Variants in PAPPA observed in about 807,000 individuals in gnomAD.
PAPPA encodes pappalysin 1.
A neutral mutation model predicts 164.0 loss-of-function variants in PAPPA; 60 were observed. That is an observed-to-expected ratio of 0.37 (90% CI 0.30 to 0.45). The LOEUF is 0.45. PAPPA is among the 20% of genes least tolerant of loss of function. The pLI, the probability that PAPPA is intolerant of heterozygous loss-of-function variation, is 1.00. For missense variants in PAPPA, 1,782 were observed against 2,087.3 expected (o/e 0.85, Z 2.85); for synonymous variants, 875 against 814.1 (o/e 1.07, Z -1.27).
In PAPPA at chr9:116,235,569, G is replaced by A. The variant is rs779862665; in HGVS notation, c.2664G>A (p.Val888=). The A allele has an allele frequency of 2.5e-6, 4 of 1,613,598 alleles. No homozygotes were observed. The highest frequency in any genetic ancestry group is 3.3e-5 in the Admixed American group (2 of 60,000). ...AGTGTAAGCCCCTGAAGTATAAGGT[G>A]GTCCGGGACCCTCCTCTCCAGATGG... is the stretch of plus-strand genomic sequence containing the variant. The part of the protein sequence containing the change: ...CLQCKPLKYK[V]VRDPPLQMDV... The change falls in exon 7 of 22, where the codon GTG becomes GTA. Residue 888 remains valine, a synonymous_variant. Coordinates refer to ENST00000328252, the MANE Select transcript of PAPPA (RefSeq NM_002581.5).
rs1843565452 is a variant in PAPPA, at chr9:116,154,013, T to G, written c.-160T>G. Reference sequence around the variant, plus strand: ...GGTGGGGAGAGTGGAGCACACACCTTGAGGAGGAAAGCGAGAAAGAAAAGA... The same window carrying G: ...GGTGGGGAGAGTGGAGCACACACCTGGAGGAGGAAAGCGAGAAAGAAAAGA... On this transcript the variant is annotated 5_prime_UTR_variant, in exon 1 of 22. Transcript: ENST00000328252. This position sits in a 1 kb window ranked among gnomAD's most constrained non-coding sequence, Gnocchi z 5.2. 4.4e-6 allele frequency: 4 copies of G among 910,154 alleles called. No homozygotes were observed. The highest frequency in any genetic ancestry group is 4.2e-6 in the Non-Finnish European group (3 of 709,556). The allele number at this position is 910,154 out of a possible 1,614,324, so 56.4% of individuals were successfully genotyped here. A position where few individuals can be genotyped will look rare whatever the true frequency, so the allele number is the denominator to read the frequency against.
chr9:116,170,432 T>G (rs1275852291), intron 1 of PAPPA, among the ~76,000 whole-genome samples: 1 of 152,158 alleles, frequency 6.6e-6, no homozygotes, highest in African/African-American at 2.4e-5. Context: ...TTCTCTGAGT[T>G]TTTAAATAGG....
intron 9 of PAPPA, among the ~76,000 whole-genome samples, chr9:116,296,532 A>G (rs902769951): frequency 6.6e-6 from 1 of 152,186 alleles, no homozygotes; most frequent in African/African-American, 2.4e-5. Flanking sequence ...AGACCCACAG[A>G]CAGACAGTGA....
chr9:116,268,173 C>A (rs1356002554), intron 8 of PAPPA, among the ~76,000 whole-genome samples: 1 of 152,122 alleles, frequency 6.6e-6, no homozygotes, highest in African/African-American at 2.4e-5. Flanking sequence ...GAATTTGACT[C>A]CTCAAGCACA....
Position 116,195,741 on chromosome 9 carries a change from G to A in PAPPA, c.1478+7525G>A, listed in dbSNP as rs536300100. Among the ~76,000 whole-genome samples the A allele has an allele frequency of 3.3e-5, 5 of 152,258 alleles. No homozygotes were observed. The South Asian group carries it at 8.3e-4, about 25-fold the overall frequency. On this transcript the variant is annotated intron_variant, in intron 2 of 21. Transcript: ENST00000328252. ...GATAGATCTTCTCGCTTCTTATTGT[G>A]CATATCCCGAAATTCTTAGCCCCTT...
At chr9:116,156,486 ATACT>A (rs1843606967) in intron 1 of PAPPA, among the ~76,000 whole-genome samples, 1 of 151,838 alleles carries the variant, frequency 6.6e-6, no homozygotes, top group African/African-American at 2.4e-5. Flanking sequence ...TTGCAGTAAA[ATACT>A]TTAATTGGAT....
intron 9 of PAPPA, among the ~76,000 whole-genome samples, chr9:116,284,015 ATT>A (rs1339187600): frequency 1.3e-5 from 2 of 152,188 alleles, no homozygotes; most frequent in Non-Finnish European, 2.9e-5. Flanking sequence ...GTTATGATAT[ATT>A]GTTTTATTAA....
At chr9:116,378,536 T>C (rs1426120416) in intron 20 of PAPPA, among the ~76,000 whole-genome samples, 1 of 152,162 alleles carries the variant, frequency 6.6e-6, no homozygotes, top group Non-Finnish European at 1.5e-5. Flanking sequence ...ATGAAACTCT[T>C]AGAATGCCAG....
At chr9:116,369,445 C>T (rs941234761) in intron 19 of PAPPA, among the ~76,000 whole-genome samples, 1 of 152,134 alleles carries the variant, frequency 6.6e-6, no homozygotes, top group Admixed American at 6.5e-5. Flanking sequence ...ACAACTGGAA[C>T]GACAAGCTGG....
intron 7 of PAPPA, among the ~76,000 whole-genome samples, chr9:116,255,798 T>G (rs1018413334): frequency 1.3e-5 from 2 of 151,808 alleles, no homozygotes; most frequent in Non-Finnish European, 1.5e-5. Flanking sequence ...GGTGAAAGGG[T>G]GTACTAGGGA....
rs539049501 is a variant in PAPPA, at chr9:116,254,840, C to T, written c.2733-11017C>T. Among the ~76,000 whole-genome samples the T allele has an allele frequency of 5.4e-5, 8 of 148,834 alleles. No individual in the cohort carries two copies. In the South Asian group the frequency reaches 1.5e-3, roughly 28 times the overall value. On this transcript the variant is annotated intron_variant, in intron 7 of 21. Transcript: ENST00000328252. ...GACACTGAAAGGATCCTGACCAAAA[C>T]GTTCCTGGTAGCTGTCTCAGGATAA... is the stretch of plus-strand genomic sequence containing the variant.
Position 116,235,660 on chromosome 9 carries a change from G to A in PAPPA, c.2732+23G>A, listed in dbSNP as rs750594984. 7 of 1,611,766 alleles carry A rather than the reference G, an allele frequency of 4.3e-6. No homozygotes were observed. In the South Asian group the frequency reaches 6.6e-5, roughly 15 times the overall value. On this transcript the variant is annotated intron_variant, in intron 7 of 21. Transcript: ENST00000328252. ...CATGTAAGTGCATTCTCTGAATAGG[G>A]AGTTTATTAAGTGGGTGGGTTGTGG...
At chr9:116,227,870 T>G (rs1844534761) in intron 6 of PAPPA, among the ~76,000 whole-genome samples, 1 of 152,210 alleles carries the variant, frequency 6.6e-6, no homozygotes. Flanking sequence ...AGACCCCAAC[T>G]GCTTGTAGTT....
chr9:116,312,978 G>C (rs1436953925), intron 10 of PAPPA, among the ~76,000 whole-genome samples: 1 of 151,568 alleles, frequency 6.6e-6, no homozygotes, highest in Non-Finnish European at 1.5e-5. Flanking sequence ...AGCTACTCGG[G>C]AGGCTGAGGC....
At chr9:116,243,650 T>A (rs1844762253) in intron 7 of PAPPA, among the ~76,000 whole-genome samples, 1 of 152,118 alleles carries the variant, frequency 6.6e-6, no homozygotes, top group Non-Finnish European at 1.5e-5. Context: ...ATGGAGAAAA[T>A]GAATACTAAA....
Position 116,271,429 on chromosome 9 carries a change from C to T in PAPPA, c.2953+13C>T, listed in dbSNP as rs201701701. On this transcript the variant is annotated intron_variant, in intron 9 of 21. Transcript: ENST00000328252. This position sits in a 1 kb window ranked among gnomAD's most constrained non-coding sequence, Gnocchi z 4.2. The stretch of plus-strand genomic sequence containing the variant: ...TTCAATTGTATTGGTACGTCTTTTT[C>T]ATTTCTTGTGGCCTTCATGAAGAAA... The T allele has an allele frequency of 7.8e-5, 123 of 1,581,262 alleles. No individual in the cohort carries two copies. The African/African-American group carries it at 1.4e-3, about 18-fold the overall frequency.
intron 7 of PAPPA, among the ~76,000 whole-genome samples, chr9:116,249,566 T>C (rs1045295579): frequency 6.6e-6 from 1 of 152,112 alleles, no homozygotes; most frequent in African/African-American, 2.4e-5. Flanking sequence ...GAAGTAAGGA[T>C]GGAGGCATAG....
At chr9:116,228,991 G>A (rs1037944826) in intron 6 of PAPPA, among the ~76,000 whole-genome samples, 82 of 152,178 alleles carry the variant, frequency 5.4e-4, no homozygotes, top group Admixed American at 1.2e-3. Context: ...GCTGGGCACT[G>A]TCTTGGGCAC....
intron 14 of PAPPA, among the ~76,000 whole-genome samples, chr9:116,345,757 G>A (rs970428954): frequency 3.9e-5 from 6 of 152,202 alleles, no homozygotes; most frequent in East Asian, 1.9e-4. Context: ...CGTGTCCTGC[G>A]TGAGATTGGT....
Sources: allele counts gnomAD v4.1 joint callset (sites outside exome capture counted in the v4.1 genomes callset), GRCh38; gene constraint gnomAD v4.1.1; non-coding constraint Gnocchi (gnomAD v3.1); transcripts MANE v1.5; gene names NCBI Gene and HGNC (gene_info 2026-07-23, HGNC 2026-07-21).